The following PCDHA6 variants were observed in gnomAD, a reference collection of about 807,000 sequenced individuals.
The protein encoded by PCDHA6 is protocadherin alpha 6.
In PCDHA6, 55 loss-of-function variants were observed where a neutral mutation model predicts 60.3. That is an observed-to-expected ratio of 0.91 (90% CI 0.73 to 1.14). PCDHA6 has a LOEUF of 1.14. Ranked by LOEUF, PCDHA6 falls within the 50% of genes most tolerant of loss-of-function variation. The pLI is 0.00. For missense variants in PCDHA6, 1,327 were observed against 1,256.5 expected (o/e 1.06, Z -0.85); for synonymous variants, 652 against 557.9 (o/e 1.17, Z -2.38).
intron 1 of PCDHA6, among the ~76,000 whole-genome samples, chr5:140,904,645 T>A (rs1554191647): frequency 6.6e-6 from 1 of 152,128 alleles, no homozygotes; most frequent in Non-Finnish European, 1.5e-5. Context: ...CTCCACACTG[T>A]TTTCCATAGT....
chr5:140,877,310 C>A, intron 1 of PCDHA6: 2 of 1,613,938 alleles, frequency 1.2e-6, no homozygotes, highest in Non-Finnish European at 1.7e-6. Context: ...GAGTTGCAAC[C>A]GGCGGCGGTC....
At chr5:140,941,191 T>TCTTTC (rs1554213808) in intron 1 of PCDHA6, among the ~76,000 whole-genome samples, 2 of 93,206 alleles carry the variant, frequency 2.1e-5, no homozygotes, top group South Asian at 5.6e-4. Flanking sequence ...GCTTCTTTTT[T>TCTTTC]TTTCTTTCTT....
chr5:140,857,101 C>T (rs781855221), intron 1 of PCDHA6: 2 of 1,597,612 alleles, frequency 1.3e-6, no homozygotes, highest in Non-Finnish European at 1.7e-6. Flanking sequence ...AGGTGATTGT[C>T]ACTTCTCTGT....
In PCDHA6 at chr5:140,876,482, T is replaced by G. The variant is rs372044061; in HGVS notation, c.2394+45997T>G. The G allele has an allele frequency of 1.8e-4, 291 of 1,613,904 alleles. No individual in the cohort carries two copies. The highest frequency in any genetic ancestry group is 2.4e-4 in the Non-Finnish European group (285 of 1,179,894). On this transcript the variant is annotated intron_variant, in intron 1 of 3. Transcript: ENST00000529310. The stretch of plus-strand genomic sequence containing the variant: ...TCCATGGCAGGTCACAGCATGGTCC[T>G]GGTGGAAGTTCTGGACGTGAATGAC...
intron 1 of PCDHA6, chr5:140,869,913 C>A (rs782111162): frequency 6.2e-7 from 1 of 1,610,636 alleles, no homozygotes; most frequent in African/African-American, 1.3e-5. Flanking sequence ...CAGACCGAGA[C>A]GAAGGAGTCA....
At chr5:140,933,833 A>C (rs944428844) in intron 1 of PCDHA6, among the ~76,000 whole-genome samples, 1 of 151,928 alleles carries the variant, frequency 6.6e-6, no homozygotes, top group Non-Finnish European at 1.5e-5. Flanking sequence ...TATTGCTCCT[A>C]TTTCATTCCT....
At position 140,871,188 on chromosome 5, in the gene PCDHA6, C is replaced by G. The variant is rs782347896; in HGVS notation, c.2394+40703C>G. Reference sequence around the variant, plus strand: ...GCCCAGAGGCTGCGCTGGTGGATGTCAACGTGTACCTGATCATCGCCATCT... The same window carrying G: ...GCCCAGAGGCTGCGCTGGTGGATGTGAACGTGTACCTGATCATCGCCATCT... On this transcript the variant is annotated intron_variant, in intron 1 of 3. Transcript: ENST00000529310. 9.9e-6 allele frequency: 16 copies of G among 1,613,638 alleles called. 1 individual carries two copies. In the South Asian group the frequency reaches 1.8e-4, roughly 18 times the overall value.
In PCDHA6 at chr5:140,995,657, A is replaced by C. The variant is rs188298109; in HGVS notation, c.2542+13094A>C. Among the ~76,000 whole-genome samples, 56 of 152,328 alleles carry C rather than the reference A, an allele frequency of 3.7e-4. No homozygotes were observed. The East Asian group carries it at 7.7e-3, about 21-fold the overall frequency. Reference sequence around the variant, plus strand: ...AGTGTTTAGAAAAGGAGAATCGAAAAGGGAAGTAAATGCAGCATTTTTTTT... The same window carrying C: ...AGTGTTTAGAAAAGGAGAATCGAAACGGGAAGTAAATGCAGCATTTTTTTT... On this transcript the variant is annotated intron_variant, in intron 3 of 3. Coordinates refer to ENST00000529310, the MANE Select transcript of PCDHA6 (RefSeq NM_018909.4).
chr5:140,907,864 G>T (rs1033952784), intron 1 of PCDHA6, among the ~76,000 whole-genome samples: 1 of 152,202 alleles, frequency 6.6e-6, no homozygotes, highest in Non-Finnish European at 1.5e-5. Context: ...GAGGCCAGCC[G>T]TTGGTGAGCA....
intron 1 of PCDHA6, among the ~76,000 whole-genome samples, chr5:140,872,228 T>C (rs2053555588): frequency 6.6e-6 from 1 of 152,222 alleles, no homozygotes. Context: ...CAATCTTTAC[T>C]TTTGTCTTTA....
chr5:140,947,872 T>C (rs2094186307), intron 1 of PCDHA6, among the ~76,000 whole-genome samples: 1 of 151,588 alleles, frequency 6.6e-6, no homozygotes, highest in Admixed American at 6.6e-5. Context: ...GGCTAGGACT[T>C]CCAGGACAAT....
At position 141,010,354 on chromosome 5, in the gene PCDHA6, C is replaced by A. The variant is rs1359778786; in HGVS notation, c.*417C>A. On this transcript the variant is annotated 3_prime_UTR_variant, in exon 4 of 4. Coordinates refer to ENST00000529310, the MANE Select transcript of PCDHA6 (RefSeq NM_018909.4). ...GTTTGTGGCCACTGGGTATGTGTGG[C>A]TACCGCGGGTATGCGAGTGCCAGAT... The A allele has an allele frequency of 2.0e-6, 3 of 1,506,078 alleles. No homozygotes were observed. The highest frequency in any genetic ancestry group is 4.4e-5 in the Admixed American group (2 of 45,166). 93.3% of individuals were successfully genotyped at this position (1,506,078 alleles called of 1,614,324 possible).
Position 140,829,795 on chromosome 5 carries a change from T to A in PCDHA6, c.1704T>A (p.Pro568=). The A allele has an allele frequency of 6.2e-7, 1 of 1,613,722 alleles. No homozygotes were observed. Among genetic ancestry groups the A allele is most frequent in the Non-Finnish European group, 8.5e-7 (1 of 1,179,828 alleles). The change falls in exon 1 of 4, where the codon CCT becomes CCA. Residue 568 remains proline, a synonymous_variant. Coordinates refer to ENST00000529310, the MANE Select transcript of PCDHA6 (RefSeq NM_018909.4). The part of the protein sequence containing the change: ...ENDNAPALLA[P]RVGGTGGAVS... ...ACAACGCGCCGGCGCTGCTGGCGCC[T>A]CGGGTGGGTGGTACTGGTGGTGCAG...
chr5:140,862,675 G>C, intron 1 of PCDHA6: 1 of 550,422 alleles, frequency 1.8e-6, no homozygotes, highest in Non-Finnish European at 3.6e-6. Context: ...GCAGGAGAAC[G>C]TGCTGGTGTC....
At chr5:140,960,063 T>G (rs1461377026) in intron 1 of PCDHA6, among the ~76,000 whole-genome samples, 1 of 152,232 alleles carries the variant, frequency 6.6e-6, no homozygotes, top group Non-Finnish European at 1.5e-5. Flanking sequence ...GTACAGAAGA[T>G]TCAATTGAAG....
At chr5:140,842,748 C>A in intron 1 of PCDHA6, 1 of 1,595,020 alleles carries the variant, frequency 6.3e-7, no homozygotes, top group Non-Finnish European at 8.6e-7. Flanking sequence ...CACATCTTCA[C>A]GGTGTCTGCG....
intron 3 of PCDHA6, among the ~76,000 whole-genome samples, chr5:140,984,412 A>G (rs1189115390): frequency 5.9e-5 from 9 of 152,184 alleles, no homozygotes; most frequent in African/African-American, 2.2e-4. Flanking sequence ...TATCTTTTTT[A>G]CAGAGATAGA....
chr5:140,983,100 T>C (rs2097027056), intron 3 of PCDHA6, among the ~76,000 whole-genome samples: 1 of 152,232 alleles, frequency 6.6e-6, no homozygotes, highest in African/African-American at 2.4e-5. Flanking sequence ...AATCTGCTTC[T>C]CTCTGCACAT....
chr5:140,829,099 T>C lies in PCDHA6; in HGVS notation c.1008T>C (p.Val336=), dbSNP rs1554131748. Residue 336 remains valine, a synonymous_variant, in exon 1 of 4, where the codon GTT becomes GTC. Coordinates refer to ENST00000529310, the MANE Select transcript of PCDHA6 (RefSeq NM_018909.4). ...CTCCCATGGCGGGTCATTGCACCGT[T>C]TTAGTGAGAATTTTGGATAAAAATG... ...GHPPMAGHCT[V]LVRILDKNDN... 4 of 1,611,442 alleles carry C rather than the reference T, an allele frequency of 2.5e-6. No homozygotes were observed. The highest frequency in any genetic ancestry group is 3.4e-6 in the Non-Finnish European group (4 of 1,177,768).
Sources: allele counts gnomAD v4.1 joint callset (sites outside exome capture counted in the v4.1 genomes callset), GRCh38; gene constraint gnomAD v4.1.1; transcripts MANE v1.5; gene names NCBI Gene and HGNC (gene_info 2026-07-23, HGNC 2026-07-21).